The following TNR variants were observed in gnomAD, a reference collection of about 807,000 sequenced individuals.
TNR encodes tenascin-R.
A neutral mutation model predicts 150.4 loss-of-function variants in TNR; 45 were observed. That is an observed-to-expected ratio of 0.30 (90% CI 0.24 to 0.38). The LOEUF is 0.38. Ranked by LOEUF, TNR falls within the 10% of genes least tolerant of loss-of-function variation. The pLI, the probability that TNR is intolerant of heterozygous loss-of-function variation, is 1.00. For missense variants in TNR, 1,544 were observed against 1,759.1 expected (o/e 0.88, Z 2.19); for synonymous variants, 687 against 678.4 (o/e 1.01, Z -0.20).
chr1:175,548,545 C>G (rs1660806449), intron 1 of TNR, among the ~76,000 whole-genome samples: 1 of 152,030 alleles, frequency 6.6e-6, no homozygotes, highest in Non-Finnish European at 1.5e-5. Context: ...TCCGCTCTTT[C>G]TCTCTTCTCT....
intron 15 of TNR, among the ~76,000 whole-genome samples, chr1:175,356,840 A>C (rs922678861): frequency 4.6e-5 from 7 of 152,134 alleles, no homozygotes; most frequent in African/African-American, 1.7e-4. Context: ...TTATGTGACA[A>C]TTTTAAAACC....
At chr1:175,421,186 G>A (rs1654741690) in intron 2 of TNR, among the ~76,000 whole-genome samples, 1 of 152,106 alleles carries the variant, frequency 6.6e-6, no homozygotes, top group Non-Finnish European at 1.5e-5. Context: ...CAGTCATTGC[G>A]GAGGGAAACT....
intron 1 of TNR, among the ~76,000 whole-genome samples, chr1:175,682,565 G>A (rs145393357): frequency 1.6e-4 from 24 of 152,252 alleles, no homozygotes; most frequent in African/African-American, 5.5e-4. Context: ...CTTGTGGGAT[G>A]GAATGCTGGG....
intron 1 of TNR, among the ~76,000 whole-genome samples, chr1:175,618,103 T>C (rs940693682): frequency 3.3e-5 from 5 of 152,364 alleles, no homozygotes; most frequent in African/African-American, 9.6e-5. Flanking sequence ...AACTACAGTA[T>C]TGGGGCAGGC....
intron 21 of TNR, among the ~76,000 whole-genome samples, chr1:175,328,410 A>G (rs1221931389): frequency 2.6e-5 from 4 of 152,074 alleles, no homozygotes; most frequent in African/African-American, 9.7e-5. Context: ...GGCCCTGGAG[A>G]TGGGTTGATT....
chr1:175,466,252 T>C (rs759632210), intron 2 of TNR, among the ~76,000 whole-genome samples: 31 of 152,206 alleles, frequency 2.0e-4, no homozygotes, highest in Non-Finnish European at 4.3e-4. Context: ...AGGAATCAAA[T>C]GCCAGTCTCT....
At position 175,330,070 on chromosome 1, in the gene TNR, G is replaced by T; in HGVS notation, c.3793+4C>A. ...CTTGGGGTCTGCTCAGGAGCCATAGGTACCCGCAGTGCCGTTGTAGCTTCC... is the reference window on the plus strand; with the variant it reads ...CTTGGGGTCTGCTCAGGAGCCATAGTTACCCGCAGTGCCGTTGTAGCTTCC... On this transcript the variant is annotated splice_donor_region_variant and intron_variant, in intron 21 of 22. Transcript: ENST00000367674. 6.4e-7 allele frequency: 1 copy of T among 1,573,992 alleles called. No homozygotes were observed. The highest frequency in any genetic ancestry group is 8.7e-7 in the Non-Finnish European group (1 of 1,151,784).
intron 6 of TNR, among the ~76,000 whole-genome samples, chr1:175,392,242 G>C (rs1306269499): frequency 6.6e-6 from 1 of 152,184 alleles, no homozygotes; most frequent in Non-Finnish European, 1.5e-5. Flanking sequence ...AGTGTCCTTA[G>C]AAATGGAGGA....
At chr1:175,731,067 C>T (rs1367205214) in intron 1 of TNR, among the ~76,000 whole-genome samples, 1 of 152,146 alleles carries the variant, frequency 6.6e-6, no homozygotes, top group Non-Finnish European at 1.5e-5. Context: ...AATAAGAGGA[C>T]CTGAGAGGCC....
chr1:175,493,756 C>A (rs111781766), intron 2 of TNR, among the ~76,000 whole-genome samples: 2 of 152,058 alleles, frequency 1.3e-5, no homozygotes, highest in Non-Finnish European at 2.9e-5. Context: ...CCATGGGAGC[C>A]GGTGCCTGGG....
chr1:175,540,828 A>G (rs74127331), intron 1 of TNR, among the ~76,000 whole-genome samples: 8,411 of 151,812 alleles, frequency 0.055, 331 homozygotes, highest in African/African-American at 0.11. Context: ...TCCATTCTCC[A>G]TGCTACTCCT....
intron 18 of TNR, among the ~76,000 whole-genome samples, chr1:175,352,384 G>A (rs1260097757): frequency 4.6e-5 from 7 of 152,238 alleles, no homozygotes; most frequent in Non-Finnish European, 1.0e-4. Flanking sequence ...CAAATTGGGA[G>A]CTCAGTTTAA....
intron 1 of TNR, among the ~76,000 whole-genome samples, chr1:175,540,505 C>G (rs1391564253): frequency 2.0e-5 from 3 of 152,324 alleles, no homozygotes; most frequent in Admixed American, 2.0e-4. Flanking sequence ...GCCTAGCTCT[C>G]AGCTCTGTTG....
chr1:175,404,127 C>T (rs191058386), intron 3 of TNR, among the ~76,000 whole-genome samples: 7 of 152,090 alleles, frequency 4.6e-5, no homozygotes, highest in Non-Finnish European at 1.0e-4. Context: ...TGCGAATCCC[C>T]CAGCCCCTCA....
At chr1:175,738,369 T>C (rs533647637) in intron 1 of TNR, among the ~76,000 whole-genome samples, 13 of 152,322 alleles carry the variant, frequency 8.5e-5, no homozygotes, top group Admixed American at 3.3e-4. Context: ...ACACATGCTA[T>C]AGCATGGTTG....
intron 1 of TNR, among the ~76,000 whole-genome samples, chr1:175,655,364 AATTT>A (rs1665140052): frequency 6.6e-6 from 1 of 152,210 alleles, no homozygotes; most frequent in African/African-American, 2.4e-5. Flanking sequence ...CAGTGAAAAA[AATTT>A]ATTTAATCTT....
rs1031637466 is a variant in TNR at position 175,691,745 on chromosome 1, C to T, written c.-165+51481G>A. 3.3e-5 allele frequency among the ~76,000 whole-genome samples: 5 copies of T among 152,108 alleles called. No homozygotes were observed. In the South Asian group the frequency reaches 8.3e-4, roughly 25 times the overall value. On this transcript the variant is annotated intron_variant, in intron 1 of 22. Transcript: ENST00000367674. ...GCAGCCTGCAGCTGTGGGGAGTAAT[C>T]AGATTTCTTATTTTTGCTCTATTCT...
At chr1:175,634,437 T>A (rs532633812) in intron 1 of TNR, among the ~76,000 whole-genome samples, 1 of 152,226 alleles carries the variant, frequency 6.6e-6, no homozygotes, top group Non-Finnish European at 1.5e-5. Context: ...GCCTTTATCA[T>A]CTTTCACATT....
intron 18 of TNR, 74 bp from the exon 19 acceptor site, chr1:175,337,753 A>T: frequency 6.6e-7 from 1 of 1,525,320 alleles, no homozygotes. Context: ...GGATCATAGA[A>T]GGTCTTAGCA....
Sources: gnomAD v4.1 joint callset for allele counts (sites outside exome capture counted in the v4.1 genomes callset) on GRCh38, gnomAD v4.1.1 for gene constraint, MANE v1.5 for transcripts, NCBI Gene and HGNC (gene_info 2026-07-23, HGNC 2026-07-21) for gene names.